Variants in SMARCD2 observed in about 807,000 individuals in gnomAD.
SMARCD2 encodes SWI/SNF-related matrix-associated actin-dependent regulator of chromatin subfamily D member 2.
In SMARCD2, 39 loss-of-function variants were observed where a neutral mutation model predicts 70.4. The observed-to-expected ratio is 0.55, with a 90% CI of 0.43 to 0.72. The LOEUF (loss-of-function observed/expected upper bound fraction) is 0.72, where lower values mean the gene tolerates loss of function less well. SMARCD2 is among the 30% of genes least tolerant of loss of function. The pLI, the probability that SMARCD2 is intolerant of heterozygous loss-of-function variation, is 0.00. For synonymous variants in SMARCD2, 249 were observed against 279.4 expected, an observed-to-expected ratio of 0.89 and a Z score of 1.08; for missense variants, 540 against 713.4, an observed-to-expected ratio of 0.76 and a Z score of 2.77.
chr17:63,842,635 G>A lies in SMARCD2; in HGVS notation c.40C>T (p.Leu14=). Residue 14 remains leucine (L), a synonymous_variant, in exon 1 of 13, where the codon CTA becomes TTA. Transcript: ENST00000448276. The part of the protein sequence containing the change: ...RGAGGFPLPP[L]SPGGGAVAAA... ...GCCACGGCGCCGCCGCCAGGGCTTA[G>A]CGGGGGCAGCGGGAACCCGCCCGCG... 8.0e-7 allele frequency: 1 copy of A among 1,257,522 alleles called. No homozygotes were observed. The highest frequency in any genetic ancestry group is 4.1e-5 in the Admixed American group (1 of 24,098). 77.9% of individuals were successfully genotyped at this position (1,257,522 alleles called of 1,614,324 possible).
rs879781912 is a variant in SMARCD2 at position 63,832,249 on chromosome 17, A to G, written c.*689T>C. 31 of 491,936 alleles carry G rather than the reference A, an allele frequency of 6.3e-5. No homozygotes were observed. The highest frequency in any genetic ancestry group is 1.1e-4 in the Non-Finnish European group (30 of 270,314). The allele number at this position is 491,936 out of a possible 1,614,324, so 30.5% of individuals were successfully genotyped here. A position where few individuals can be genotyped will look rare whatever the true frequency, so the allele number is the denominator to read the frequency against. On this transcript the variant is annotated 3_prime_UTR_variant, in exon 13 of 13. Transcript: ENST00000448276. Reference sequence around the variant, plus strand: ...ATGCACATACCCCATACCTCAGGCCATGCTAGAGAACTGGAGTGTCCCCTC... The same window carrying G: ...ATGCACATACCCCATACCTCAGGCCGTGCTAGAGAACTGGAGTGTCCCCTC...
intron 4 of SMARCD2, among the ~76,000 whole-genome samples, chr17:63,836,500 GAAAAAAA>G (rs61376475): frequency 3.2e-4 from 21 of 64,824 alleles, no homozygotes; most frequent in African/African-American, 6.5e-4. Flanking sequence ...CTCCATCTCA[GAAAAAAA>G]AAAAAAAAAA....
rs1214914657 is a variant in SMARCD2 at position 63,837,903 on chromosome 17, T to C, written c.217-278A>G. 6.6e-6 allele frequency among the ~76,000 whole-genome samples: 1 copy of C among 152,104 alleles called. No homozygotes were observed. The highest frequency in any genetic ancestry group is 2.4e-5 in the African/African-American group (1 of 41,416). ...GTCCTGCCTGCAGAGGGAAGGGCCT[T>C]GGGGAGCTTTTCAGGGCCCATTGCT... On this transcript the variant is annotated intron_variant, in intron 1 of 12. Transcript: ENST00000448276. The surrounding 1 kb of genome is among the most constrained non-coding windows in gnomAD (Gnocchi z 6.4).
chr17:63,837,771 G>A lies in SMARCD2; in HGVS notation c.217-146C>T, dbSNP rs536132409. Reference sequence around the variant, plus strand: ...GCTGGAGCCCCAGGAACAAAGGGGAGTGGGCGCCTGAGCACAGAGTGTAAA... The same window carrying A: ...GCTGGAGCCCCAGGAACAAAGGGGAATGGGCGCCTGAGCACAGAGTGTAAA... On this transcript the variant is annotated intron_variant, in intron 1 of 12. Coordinates refer to ENST00000448276, the MANE Select transcript of SMARCD2 (RefSeq NM_001098426.2). The surrounding 1 kb of genome is among the most constrained non-coding windows in gnomAD (Gnocchi z 6.4). 205 of 671,700 alleles carry A rather than the reference G, an allele frequency of 3.1e-4. No homozygotes were observed. The African/African-American group carries it at 3.5e-3, about 12-fold the overall frequency. 41.6% of individuals were successfully genotyped at this position (671,700 alleles called of 1,614,324 possible). A position where few individuals can be genotyped will look rare whatever the true frequency, so the allele number is the denominator to read the frequency against.
At chr17:63,835,716 G>GT (rs1484219189) in intron 4 of SMARCD2, 149 bp from the exon 5 acceptor site, 2 of 626,276 alleles carry the variant, frequency 3.2e-6, no homozygotes, top group African/African-American at 1.9e-5. Flanking sequence ...ATCAGAAGTA[G>GT]TAAGTCCCAG....
rs557905856 is a variant in SMARCD2 at position 63,832,324 on chromosome 17, TGGC to T, written c.*611_*613del. ...AGCCCTCTGGCATCCCAGGAGATGA[TGGC>T]GGCCAGAGCCGCTTGCATAGATTGA... On this transcript the variant is annotated 3_prime_UTR_variant, in exon 13 of 13. Coordinates refer to ENST00000448276, the MANE Select transcript of SMARCD2 (RefSeq NM_001098426.2). The T allele has an allele frequency of 4.7e-4, 150 of 320,814 alleles. No individual in the cohort carries two copies. Among genetic ancestry groups the T allele is most frequent in the South Asian group, 2.8e-3 (66 of 23,180 alleles). The allele number at this position is 320,814 out of a possible 1,614,324, so 19.9% of individuals were successfully genotyped here. A position where few individuals can be genotyped will look rare whatever the true frequency, so the allele number is the denominator to read the frequency against.
chr17:63,835,510 C>A lies in SMARCD2; in HGVS notation c.625G>T (p.Gly209Cys), dbSNP rs2040254289. 4.3e-6 allele frequency: 7 copies of A among 1,614,062 alleles called. No homozygotes were observed. Among genetic ancestry groups the A allele is most frequent in the Non-Finnish European group, 5.1e-6 (6 of 1,179,888 alleles). ...GTCCCTGCAGTTCCTGCACTATCGC[C>A]TTCCGCCTTGCTGGGACTGAACGTA... The part of the protein sequence containing the change: ...SNTFSPSKAE[G>C]DSAGTAGTPG... The change falls in exon 5 of 13, where the codon GGC (glycine) becomes TGC (cysteine). Residue 209 changes from glycine (G) to cysteine (C), a missense_variant. Coordinates refer to ENST00000448276, the MANE Select transcript of SMARCD2 (RefSeq NM_001098426.2).
rs892058786 is a variant in SMARCD2, at chr17:63,835,262, A to C, written c.723+150T>G. ...ATCAGCCTTATGAGTAGCTGGGACT[A>C]CAGGTGCATGCCACCGCACCCAGCT... On this transcript the variant is annotated intron_variant, in intron 5 of 12. Coordinates refer to ENST00000448276, the MANE Select transcript of SMARCD2 (RefSeq NM_001098426.2). 17 of 710,150 alleles carry C rather than the reference A, an allele frequency of 2.4e-5. No individual in the cohort carries two copies. In the South Asian group the frequency reaches 3.1e-4, roughly 13 times the overall value. The allele number at this position is 710,150 out of a possible 1,614,324, so 44.0% of individuals were successfully genotyped here.
At chr17:63,840,165 T>A (rs1436917842) in intron 1 of SMARCD2, among the ~76,000 whole-genome samples, 2 of 151,674 alleles carry the variant, frequency 1.3e-5, no homozygotes, top group Non-Finnish European at 2.9e-5. Flanking sequence ...CTTTTTGAAC[T>A]CTCTGGAGTG....
chr17:63,837,453 G>A lies in SMARCD2; in HGVS notation c.389C>T (p.Ala130Val). The change falls in exon 2 of 13, where the codon GCC (alanine) becomes GTC (valine). Residue 130 changes from alanine (A) to valine (V), a missense_variant. Physicochemically the swap from Ala to Val is moderately conservative, Grantham distance 64 (BLOSUM62 0). Transcript: ENST00000448276. The surrounding 1 kb of genome is among the most constrained non-coding windows in gnomAD (Gnocchi z 6.4). ...AGGATGCTCTTACCCCCGGCGCTGG[G>A]CAGGCATGGGAGGCTGCGCCTGGGG... The part of the protein sequence containing the change: ...LVPQAQPPMP[A>V]QRRGLKRRKM... The A allele has an allele frequency of 6.3e-7, 1 of 1,575,500 alleles. No individual in the cohort carries two copies. The highest frequency in any genetic ancestry group is 8.6e-7 in the Non-Finnish European group (1 of 1,158,626).
At chr17:63,842,086 C>A (rs1724857467) in intron 1 of SMARCD2, among the ~76,000 whole-genome samples, 1 of 152,188 alleles carries the variant, frequency 6.6e-6, no homozygotes, top group African/African-American at 2.4e-5. Flanking sequence ...GCAGGGTAAC[C>A]CCGGTTTCTC....
At position 63,833,290 on chromosome 17, in the gene SMARCD2, G is replaced by A; in HGVS notation, c.1440+8C>T. On this transcript the variant is annotated splice_region_variant and intron_variant, in intron 11 of 12. Coordinates refer to ENST00000448276, the MANE Select transcript of SMARCD2 (RefSeq NM_001098426.2). The surrounding 1 kb of genome is among the most constrained non-coding windows in gnomAD (Gnocchi z 4.3). ...ACATAGGAGTCCCCTCGGGAAAGAG[G>A]ACTACACCTTGAGGTCTCGGCGCTG... is the stretch of plus-strand genomic sequence containing the variant. 1.9e-6 allele frequency: 3 copies of A among 1,613,952 alleles called. No homozygotes were observed. The highest frequency in any genetic ancestry group is 1.1e-5 in the South Asian group (1 of 91,078).
Position 63,832,337 on chromosome 17 carries a change from C to T in SMARCD2, c.*601G>A, listed in dbSNP as rs372807544. On this transcript the variant is annotated 3_prime_UTR_variant, in exon 13 of 13. Transcript: ENST00000448276. ...CCCAGGAGATGATGGCGGCCAGAGC[C>T]GCTTGCATAGATTGAGGAAAGAAAA... 83 of 287,362 alleles carry T rather than the reference C, an allele frequency of 2.9e-4. No individual in the cohort carries two copies. Among genetic ancestry groups the T allele is most frequent in the African/African-American group, 1.7e-3 (78 of 45,712 alleles). 17.8% of individuals were successfully genotyped at this position (287,362 alleles called of 1,614,324 possible). A position where few individuals can be genotyped will look rare whatever the true frequency, so the allele number is the denominator to read the frequency against.
intron 5 of SMARCD2, chr17:63,835,159 T>G: frequency 1.8e-6 from 1 of 542,454 alleles, no homozygotes; most frequent in Non-Finnish European, 3.3e-6. Context: ...AATCTCACTC[T>G]GTCACCCAGG....
At position 63,835,433 on chromosome 17, in the gene SMARCD2, C is replaced by T. The variant is rs778248553; in HGVS notation, c.702G>A (p.Val234=). Reference sequence around the variant, plus strand: ...TCACATCATCCAGCAGTTTTCCTTCCACTCGGAGTTCCCAGGAAGCCACCT... The same window carrying T: ...TCACATCATCCAGCAGTTTTCCTTCTACTCGGAGTTCCCAGGAAGCCACCT... The part of the protein sequence containing the change: ...GDKVASWELR[V]EGKLLDDPSK... The change falls in exon 5 of 13, where the codon GTG becomes GTA. Residue 234 remains valine (V), a synonymous_variant. Transcript: ENST00000448276. 5.6e-6 allele frequency: 9 copies of T among 1,613,584 alleles called. No homozygotes were observed. The South Asian group carries it at 9.9e-5, about 18-fold the overall frequency.
At chr17:63,842,407 G>A (rs1904504191) in intron 1 of SMARCD2, 52 bp downstream of exon 1, 1 of 1,305,050 alleles carries the variant, frequency 7.7e-7, no homozygotes. Context: ...CGCCGGCCCG[G>A]GCGCCCTCGC....
chr17:63,837,447 C>T lies in SMARCD2; in HGVS notation c.395G>A (p.Arg132His), dbSNP rs771732575. The T allele has an allele frequency of 6.4e-6, 10 of 1,573,560 alleles. No homozygotes were observed. Among genetic ancestry groups the T allele is most frequent in the Admixed American group, 1.8e-5 (1 of 56,436 alleles). Reference sequence around the variant, plus strand: ...AGAAGCAGGATGCTCTTACCCCCGGCGCTGGGCAGGCATGGGAGGCTGCGC... The same window carrying T: ...AGAAGCAGGATGCTCTTACCCCCGGTGCTGGGCAGGCATGGGAGGCTGCGC... The part of the protein sequence containing the change: ...PQAQPPMPAQ[R>H]RGLKRRKMAD... The change falls in exon 2 of 13, where the codon CGC (arginine) becomes CAC (histidine). Residue 132 changes from arginine to histidine, a missense_variant. Arg to His is a conservative substitution (Grantham distance 29). Transcript: ENST00000448276. The surrounding 1 kb of genome is among the most constrained non-coding windows in gnomAD (Gnocchi z 6.4).
intron 1 of SMARCD2, chr17:63,839,123 TTCTC>T (rs1904339214): frequency 2.0e-6 from 2 of 985,362 alleles, no homozygotes; most frequent in Middle Eastern, 5.2e-4. Context: ...GACAGCCTCT[TTCTC>T]TGCCTTAAAG....
chr17:63,835,807 C>G (rs570744582), intron 4 of SMARCD2: 10 of 352,014 alleles, frequency 2.8e-5, no homozygotes, highest in Admixed American at 4.8e-5. Flanking sequence ...AGCTCACTTG[C>G]AACCTCTGAC....
Sources: gnomAD v4.1 joint callset for allele counts (sites outside exome capture counted in the v4.1 genomes callset) on GRCh38, gnomAD v4.1.1 for gene constraint, Gnocchi (gnomAD v3.1) non-coding constraint, MANE v1.5 for transcripts, NCBI Gene and HGNC (gene_info 2026-07-23, HGNC 2026-07-21) for gene names.